The following DAB1 variants were observed in gnomAD, a reference collection of about 807,000 sequenced individuals.
DAB1 encodes the protein disabled homolog 1.
Under a neutral mutation model 64.6 loss-of-function variants are expected in DAB1, and 15 were observed. The observed-to-expected ratio is 0.23, with a 90% confidence interval of 0.16 to 0.36. The LOEUF (loss-of-function observed/expected upper bound fraction) is 0.36. DAB1 is among the 10% of genes least tolerant of loss of function. DAB1 has a pLI of 1.00. For synonymous variants in DAB1, 235 were observed against 251.9 expected, an observed-to-expected ratio of 0.93 and a Z score of 0.64; for missense variants, 596 against 706.7, an observed-to-expected ratio of 0.84 and a Z score of 1.78.
chr1:58,530,116 C>T (rs1203533298), intron 1 of DAB1, among the ~76,000 whole-genome samples: 3 of 152,150 alleles, frequency 2.0e-5, no homozygotes, highest in African/African-American at 7.2e-5. Context: ...CTCCTGACTT[C>T]GTGATCCACC....
At chr1:57,441,272 C>T (rs142412953) in intron 7 of DAB1, among the ~76,000 whole-genome samples, 2 of 72,582 alleles carry the variant, frequency 2.8e-5, no homozygotes, top group Non-Finnish European at 3.6e-5. Flanking sequence ...TTCTTTCTTT[C>T]TCTTTCTTTC....
rs1285796330 is a variant in DAB1, at chr1:57,015,398, A to C, written c.929T>G (p.Phe310Cys). The C allele has an allele frequency of 7.4e-6, 12 of 1,613,674 alleles. No homozygotes were observed. The highest frequency in any genetic ancestry group is 1.7e-5 in the Admixed American group (1 of 59,988). The change falls in exon 12 of 15, where the codon TTC (phenylalanine) becomes TGC (cysteine). Residue 310 changes from phenylalanine (F) to cysteine (C), a missense_variant. Around this residue, in one of 3 missense-constraint regions of DAB1, gnomAD observed 377 missense variants for 400.4 expected, o/e 0.94. Transcript: ENST00000371236. ...TTGGACGAGGGGCTGCTGACCCCAG[A>C]AGGACGGGAGGACAGCGCCCATTGC... is the stretch of plus-strand genomic sequence containing the variant. ...YVAMGAVLPS[F>C]WGQQPLVQQQ...
intron 7 of DAB1, among the ~76,000 whole-genome samples, chr1:57,528,258 A>T (rs1299264236): frequency 6.6e-6 from 1 of 152,144 alleles, no homozygotes. Context: ...GATGGGATTA[A>T]CAGTAGAATG....
chr1:57,301,659 C>T (rs979935628), intron 1 of DAB1, among the ~76,000 whole-genome samples: 1 of 152,280 alleles, frequency 6.6e-6, no homozygotes, highest in Non-Finnish European at 1.5e-5. Flanking sequence ...TTTATTCTCC[C>T]TTCCACAAGC....
chr1:57,992,028 G>A (rs576190266), intron 5 of DAB1, among the ~76,000 whole-genome samples: 1 of 152,158 alleles, frequency 6.6e-6, no homozygotes, highest in East Asian at 1.9e-4. Context: ...GTCAGCCAGA[G>A]CTCGCTGTAC....
chr1:57,549,531 T>A (rs778074489), intron 7 of DAB1, among the ~76,000 whole-genome samples: 12 of 152,192 alleles, frequency 7.9e-5, no homozygotes, highest in Non-Finnish European at 1.5e-4. Flanking sequence ...GCACAGCTCC[T>A]GGAGAGCTTC....
At chr1:58,537,949 G>A (rs1646543325) in intron 1 of DAB1, among the ~76,000 whole-genome samples, 1 of 152,184 alleles carries the variant, frequency 6.6e-6, no homozygotes, top group Non-Finnish European at 1.5e-5. Context: ...ATCAGAAAGA[G>A]CATCCGAAGA....
chr1:57,377,922 C>T (rs1304840361), intron 1 of DAB1, among the ~76,000 whole-genome samples: 2 of 152,114 alleles, frequency 1.3e-5, no homozygotes, highest in African/African-American at 2.4e-5. Flanking sequence ...GGAAAGGGTC[C>T]TTCTACAGGA....
At chr1:58,089,826 C>T (rs1197983435) in intron 5 of DAB1, among the ~76,000 whole-genome samples, 2 of 152,206 alleles carry the variant, frequency 1.3e-5, no homozygotes, top group African/African-American at 2.4e-5. Context: ...GCACTGTTTT[C>T]GTGAAAACTG....
intron 3 of DAB1, among the ~76,000 whole-genome samples, chr1:58,380,340 C>T (rs139282583): frequency 1.3e-5 from 2 of 152,346 alleles, no homozygotes; most frequent in African/African-American, 4.8e-5. Flanking sequence ...CCACGTAAGA[C>T]GTGCCTTGCT....
intron 8 of DAB1, among the ~76,000 whole-genome samples, chr1:57,068,843 T>G (rs1245194447): frequency 6.6e-6 from 1 of 152,198 alleles, no homozygotes; most frequent in African/African-American, 2.4e-5. Context: ...GTTTATAACA[T>G]CTTCATGAGA....
chr1:58,051,357 G>A (rs1647653703), intron 5 of DAB1, among the ~76,000 whole-genome samples: 1 of 152,092 alleles, frequency 6.6e-6, no homozygotes, highest in Non-Finnish European at 1.5e-5. Flanking sequence ...CTTCATCCAT[G>A]TCCCTTCAAA....
chr1:58,330,828 G>A (rs1662952738), intron 4 of DAB1, among the ~76,000 whole-genome samples: 1 of 152,106 alleles, frequency 6.6e-6, no homozygotes, highest in Admixed American at 6.5e-5. Context: ...CCAAAATATT[G>A]TATTATTGAA....
intron 1 of DAB1, among the ~76,000 whole-genome samples, chr1:57,322,201 C>A (rs1675780387): frequency 1.3e-5 from 2 of 152,176 alleles, no homozygotes; most frequent in African/African-American, 4.8e-5. Flanking sequence ...GACGTGATAT[C>A]TACATTATCC....
chr1:57,669,441 A>G (rs1646484816), intron 6 of DAB1, among the ~76,000 whole-genome samples: 1 of 152,174 alleles, frequency 6.6e-6, no homozygotes, highest in Admixed American at 6.5e-5. Flanking sequence ...GACTCTGGGC[A>G]TCATCAAATT....
chr1:57,907,926 C>T (rs1051168047), intron 5 of DAB1, among the ~76,000 whole-genome samples: 7 of 146,432 alleles, frequency 4.8e-5, no homozygotes, highest in African/African-American at 1.0e-4. Context: ...TATATATACA[C>T]ACACACACAC....
chr1:58,178,988 T>C (rs1007095226), intron 4 of DAB1, among the ~76,000 whole-genome samples: 7 of 152,204 alleles, frequency 4.6e-5, no homozygotes, highest in African/African-American at 1.7e-4. Flanking sequence ...ATATGGTTTA[T>C]CAGCTAGAAG....
intron 4 of DAB1, among the ~76,000 whole-genome samples, chr1:58,153,527 G>A (rs1655059378): frequency 2.0e-5 from 3 of 152,058 alleles, no homozygotes; most frequent in Admixed American, 6.5e-5. Flanking sequence ...TATAGACACT[G>A]TTTTATTATT....
rs201898512 is a variant in DAB1, at chr1:57,553,956, GAGAACACC to G, written n.625+95628_625+95635del. ...TCAGCTGAGAAAGGAAGGAGGGAGA[GAGAACACC>G]AGCCAAAGGAGGCAGATATGCAAAG... is the stretch of plus-strand genomic sequence containing the variant. On this transcript the variant is annotated intron_variant and non_coding_transcript_variant, in intron 7 of 20. Coordinates refer to the DAB1 transcript ENST00000485760. Among the ~76,000 whole-genome samples, 554 of 151,984 alleles carry G rather than the reference GAGAACACC, an allele frequency of 3.6e-3. 4 individuals carry two copies. Among genetic ancestry groups the G allele is most frequent in the African/African-American group, 0.013 (524 of 41,446 alleles).
Sources: allele counts gnomAD v4.1 joint callset (sites outside exome capture counted in the v4.1 genomes callset), GRCh38; gene constraint gnomAD v4.1.1; regional missense constraint gnomAD v4.1.1; transcripts MANE v1.5; gene names NCBI Gene and HGNC (gene_info 2026-07-23, HGNC 2026-07-21).